NRG3: variants seen among roughly 807,000 people sequenced by gnomAD.
NRG3 encodes pro-neuregulin-3, membrane-bound isoform.
A neutral mutation model predicts 66.9 loss-of-function variants in NRG3; 31 were observed. The observed-to-expected ratio is 0.46, with a 90% CI of 0.35 to 0.63. NRG3 has a LOEUF of 0.63. Among genes scored for constraint, NRG3 ranks in the 20% least tolerant of loss-of-function variants. The pLI is 0.00. For missense variants in NRG3, 910 were observed against 878.9 expected (o/e 1.04, Z -0.45); for synonymous variants, 393 against 359.4 (o/e 1.09, Z -1.06).
chr10:82,362,070 A>G (rs1028438278), intron 2 of NRG3, among the ~76,000 whole-genome samples: 4 of 131,698 alleles, frequency 3.0e-5, no homozygotes, highest in Non-Finnish European at 4.7e-5. Flanking sequence ...GAAATCCTGA[A>G]AGTACATGCA....
chr10:82,064,803 C>T (rs12573757), intron 1 of NRG3, among the ~76,000 whole-genome samples: 59,239 of 152,016 alleles, frequency 0.39, 14,215 homozygotes, highest in Non-Finnish European at 0.54. Flanking sequence ...TGAAAGTTTG[C>T]TGAATAGTGA....
chr10:82,689,496 T>G (rs1278295269), intron 2 of NRG3, among the ~76,000 whole-genome samples: 1 of 152,182 alleles, frequency 6.6e-6, no homozygotes, highest in African/African-American at 2.4e-5. Flanking sequence ...GTCTGCTAGA[T>G]GCCCAGGAAT....
intron 1 of NRG3, among the ~76,000 whole-genome samples, chr10:82,305,207 G>A (rs1222374359): frequency 2.0e-5 from 3 of 151,850 alleles, no homozygotes; most frequent in East Asian, 1.9e-4. Flanking sequence ...GTGCTAGCCA[G>A]GATGGTCTCA....
chr10:82,880,082 T>C (rs1326202531), intron 4 of NRG3, among the ~76,000 whole-genome samples: 2 of 149,544 alleles, frequency 1.3e-5, no homozygotes, highest in Non-Finnish European at 1.5e-5. Flanking sequence ...TTAGGAGGCA[T>C]AGAGGAAAGA....
At chr10:82,813,562 T>G (rs1265837597) in intron 3 of NRG3, among the ~76,000 whole-genome samples, 1 of 152,180 alleles carries the variant, frequency 6.6e-6, no homozygotes, top group East Asian at 1.9e-4. Flanking sequence ...ACATTGTAGT[T>G]GCTTCCATAT....
chr10:82,648,553 G>T (rs1443476480), intron 2 of NRG3, among the ~76,000 whole-genome samples: 1 of 152,152 alleles, frequency 6.6e-6, no homozygotes, highest in Admixed American at 6.5e-5. Context: ...AAAGTCATTG[G>T]TAGCTTGATG....
At chr10:82,217,552 C>T (rs774105547) in intron 1 of NRG3, among the ~76,000 whole-genome samples, 2 of 152,166 alleles carry the variant, frequency 1.3e-5, no homozygotes, top group Non-Finnish European at 2.9e-5. Context: ...TGAATCAGTG[C>T]CTAGCTTTTC....
rs140636959 is a variant in NRG3 at position 82,868,865 on chromosome 10, G to A, written c.1054+3428G>A. Among the ~76,000 whole-genome samples, 27 of 152,062 alleles carry A rather than the reference G, an allele frequency of 1.8e-4. No individual in the cohort carries two copies. In the East Asian group the frequency reaches 5.2e-3, roughly 30 times the overall value. On this transcript the variant is annotated intron_variant, in intron 4 of 8. Coordinates refer to ENST00000372141, the MANE Select transcript of NRG3 (RefSeq NM_001010848.4). ...CTGCCACCACGCTCAACTAATTTTT[G>A]TATTTTTAGTAGAAACGGGTTTCAC...
chr10:82,819,759 T>A (rs533552521), intron 3 of NRG3, among the ~76,000 whole-genome samples: 11 of 152,324 alleles, frequency 7.2e-5, no homozygotes, highest in Middle Eastern at 3.4e-3. Context: ...AGGAGAAGGT[T>A]ATGTAAGACC....
At chr10:82,605,109 C>T (rs1277758440) in intron 2 of NRG3, among the ~76,000 whole-genome samples, 1 of 151,930 alleles carries the variant, frequency 6.6e-6, no homozygotes, top group Non-Finnish European at 1.5e-5. Flanking sequence ...TACATTCTTA[C>T]TTTGTTTCTG....
intron 4 of NRG3, among the ~76,000 whole-genome samples, chr10:82,916,495 C>T (rs891382069): frequency 2.0e-5 from 3 of 152,082 alleles, no homozygotes; most frequent in Non-Finnish European, 2.9e-5. Flanking sequence ...AATTTCTGTA[C>T]AGCAATGTAG....
chr10:82,595,542 T>C (rs1194195338), intron 2 of NRG3, among the ~76,000 whole-genome samples: 3 of 152,018 alleles, frequency 2.0e-5, no homozygotes, highest in Non-Finnish European at 4.4e-5. Context: ...TCCCAGCACT[T>C]TGGGAGGCCG....
chr10:82,056,032 C>A (rs1389966916), intron 1 of NRG3, among the ~76,000 whole-genome samples: 1 of 152,114 alleles, frequency 6.6e-6, no homozygotes, highest in African/African-American at 2.4e-5. Context: ...TTTCGAAGAC[C>A]ACTTGAGGCT....
At chr10:82,944,825 A>G (rs1848867180) in intron 4 of NRG3, among the ~76,000 whole-genome samples, 2 of 152,238 alleles carry the variant, frequency 1.3e-5, no homozygotes, top group Admixed American at 1.3e-4. Context: ...AAAAAGTATT[A>G]GAAAACATGA....
chr10:82,281,749 A>G (rs1199160438), intron 1 of NRG3, among the ~76,000 whole-genome samples: 1 of 152,136 alleles, frequency 6.6e-6, no homozygotes, highest in Non-Finnish European at 1.5e-5. Context: ...AGGAAGATGG[A>G]GAGAGTGTGC....
intron 2 of NRG3, among the ~76,000 whole-genome samples, chr10:82,710,450 G>C (rs2056589990): frequency 6.6e-6 from 1 of 151,870 alleles, no homozygotes; most frequent in Non-Finnish European, 1.5e-5. Flanking sequence ...GCCAGGCGTG[G>C]TGGCGCATGC....
chr10:82,218,733 TC>T (rs2075800757), intron 1 of NRG3, among the ~76,000 whole-genome samples: 1 of 152,152 alleles, frequency 6.6e-6, no homozygotes, highest in Admixed American at 6.6e-5. Flanking sequence ...GAAAGCCATC[TC>T]CTAGCTTAAT....
chr10:82,592,361 G>A (rs921634574), intron 2 of NRG3, among the ~76,000 whole-genome samples: 1 of 152,138 alleles, frequency 6.6e-6, no homozygotes, highest in Non-Finnish European at 1.5e-5. Context: ...ATGTGGGGAG[G>A]TTTTCTGGGG....
chr10:82,564,226 A>T (rs1342380196), intron 2 of NRG3, among the ~76,000 whole-genome samples: 2 of 152,178 alleles, frequency 1.3e-5, no homozygotes, highest in East Asian at 3.9e-4. Flanking sequence ...TATTTGTAGG[A>T]AATAAAAAGT....
Sources: gnomAD v4.1 joint callset for allele counts (sites outside exome capture counted in the v4.1 genomes callset) on GRCh38, gnomAD v4.1.1 for gene constraint, MANE v1.5 for transcripts, NCBI Gene and HGNC (gene_info 2026-07-23, HGNC 2026-07-21) for gene names.